Variants in P2RY8 observed in about 807,000 individuals in gnomAD.
P2RY8 encodes P2Y receptor family member 8, also known as S-geranylgeranyl-glutathione receptor P2RY8.
A neutral mutation model predicts 10.0 loss-of-function variants in P2RY8; 6 were observed. The ratio of observed to expected loss-of-function variants is 0.60; its 90% CI spans 0.33 to 1.19. P2RY8 has a LOEUF of 1.19. Ranked by LOEUF, P2RY8 falls within the 50% of genes most tolerant of loss-of-function variation. The pLI is 0.04. For synonymous variants in P2RY8, 276 were observed against 252.5 expected (o/e 1.09, Z -0.88); for missense variants, 456 against 542.0 (o/e 0.84, Z 1.58).
intron 1 of P2RY8, 62 bp from the exon 2 acceptor site, chrX:1,466,644 G>C: frequency 2.0e-6 from 3 of 1,475,056 alleles, no homozygotes; most frequent in Non-Finnish European, 2.7e-6. Flanking sequence ...CGGCTGCCGG[G>C]AGGGCTCCTG....
intron 1 of P2RY8, among the ~76,000 whole-genome samples, chrX:1,513,126 A>G (rs1471903238): frequency 7.0e-6 from 1 of 143,736 alleles, no homozygotes; most frequent in African/African-American, 2.6e-5. Flanking sequence ...GCGGCATTTC[A>G]TTTTCTGTTC....
At chrX:1,526,257 A>T (rs2092439392) in intron 1 of P2RY8, among the ~76,000 whole-genome samples, 1 of 149,716 alleles carries the variant, frequency 6.7e-6, no homozygotes, top group South Asian at 2.1e-4. Context: ...CTATTCATTC[A>T]CCCATTCTTT....
At chrX:1,506,965 C>A (rs57222568) in intron 1 of P2RY8, among the ~76,000 whole-genome samples, 1 of 151,956 alleles carries the variant, frequency 6.6e-6, no homozygotes, top group East Asian at 1.9e-4. Context: ...CGTGAGCCAC[C>A]GCGCCCGGCC....
At position 1,524,411 on chromosome X, in the gene P2RY8, A is replaced by ATGCATCCG. The variant is rs1365914173; in HGVS notation, c.-25+12509_-25+12510insCGGATGCA. Among the ~76,000 whole-genome samples, 204 of 119,854 alleles carry ATGCATCCG rather than the reference A, an allele frequency of 1.7e-3. 6 individuals carry two copies. Among genetic ancestry groups the ATGCATCCG allele is most frequent in the African/African-American group, 6.0e-3 (192 of 32,108 alleles). The allele number at this position is 119,854 out of a possible 152,430, so 78.6% of individuals were successfully genotyped here. A position where few individuals can be genotyped will look rare whatever the true frequency, so the allele number is the denominator to read the frequency against. On this transcript the variant is annotated intron_variant, in intron 1 of 1. Coordinates refer to ENST00000381297, the MANE Select transcript of P2RY8 (RefSeq NM_178129.5). ...CATCCATCCCTCCATCCATGCATGC[A>ATGCATCCG]TCCATCCATCCATCCATCCATCCAT...
In P2RY8 at chrX:1,465,345, C is replaced by G; in HGVS notation, c.*134G>C. On this transcript the variant is annotated 3_prime_UTR_variant, in exon 2 of 2. Coordinates refer to ENST00000381297, the MANE Select transcript of P2RY8 (RefSeq NM_178129.5). ...CCTGGGAGGAATAAAGCCTGGAGAC[C>G]CTTCCCCACCGGGCCTCTGCAGTGC... The G allele has an allele frequency of 3.5e-6, 5 of 1,417,244 alleles. No homozygotes were observed. Among genetic ancestry groups the G allele is most frequent in the Non-Finnish European group, 2.8e-6 (3 of 1,065,336 alleles). 87.8% of individuals were successfully genotyped at this position (1,417,244 alleles called of 1,614,324 possible). A position where few individuals can be genotyped will look rare whatever the true frequency, so the allele number is the denominator to read the frequency against.
chrX:1,484,542 AGG>A (rs2091968675), intron 1 of P2RY8, among the ~76,000 whole-genome samples: 2 of 151,548 alleles, frequency 1.3e-5, no homozygotes, highest in Admixed American at 6.6e-5. Context: ...CTGGTCAACA[AGG>A]CAAAGCCTCG....
chrX:1,526,318 C>G (rs1472510018), intron 1 of P2RY8, among the ~76,000 whole-genome samples: 1 of 149,596 alleles, frequency 6.7e-6, no homozygotes, highest in Non-Finnish European at 1.5e-5. Flanking sequence ...AGCCGCTCAT[C>G]CACCCATCCA....
intron 1 of P2RY8, among the ~76,000 whole-genome samples, chrX:1,483,964 C>T (rs2091962835): frequency 6.6e-6 from 1 of 151,620 alleles, no homozygotes; most frequent in African/African-American, 2.4e-5. Flanking sequence ...GCTGGGATCC[C>T]CTAAACCCAA....
At chrX:1,476,098 T>C (rs2091869758) in intron 1 of P2RY8, among the ~76,000 whole-genome samples, 1 of 152,080 alleles carries the variant, frequency 6.6e-6, no homozygotes, top group Admixed American at 6.6e-5. Context: ...ATCAGACCCC[T>C]TCCAGCTCCA....
At chrX:1,492,938 C>T (rs1417321753) in intron 1 of P2RY8, among the ~76,000 whole-genome samples, 16 of 151,948 alleles carry the variant, frequency 1.1e-4, no homozygotes, top group Non-Finnish European at 2.1e-4. Flanking sequence ...AACACACCCC[C>T]GCCTCCATGT....
chrX:1,497,988 C>G (rs1359484894), intron 1 of P2RY8, among the ~76,000 whole-genome samples: 3 of 152,012 alleles, frequency 2.0e-5, no homozygotes, highest in African/African-American at 7.2e-5. Flanking sequence ...CGGGTGCCAG[C>G]CAACAGACAC....
intron 1 of P2RY8, among the ~76,000 whole-genome samples, chrX:1,488,985 A>G (rs1404325607): frequency 4.6e-5 from 7 of 151,936 alleles, no homozygotes; most frequent in African/African-American, 9.7e-5. Flanking sequence ...GCAAATGTGG[A>G]GGGAATGAAT....
chrX:1,498,409 A>G lies in P2RY8; in HGVS notation c.-24-31827T>C, dbSNP rs774192742. ...CGACAGAGCGAGACTCTGTCTCAAA[A>G]AAAAAAAAAAAAAAGAAAAAGAAAG... On this transcript the variant is annotated intron_variant, in intron 1 of 1. Coordinates refer to ENST00000381297, the MANE Select transcript of P2RY8 (RefSeq NM_178129.5). Among the ~76,000 whole-genome samples the G allele has an allele frequency of 6.0e-3, 905 of 150,032 alleles. 12 individuals carry two copies. Among genetic ancestry groups the G allele is most frequent in the African/African-American group, 0.021 (854 of 41,114 alleles).
intron 1 of P2RY8, among the ~76,000 whole-genome samples, chrX:1,508,316 C>T (rs2092253849): frequency 6.6e-6 from 1 of 152,116 alleles, no homozygotes; most frequent in African/African-American, 2.4e-5. Flanking sequence ...TGGGCAGCAG[C>T]GACATCTCTG....
chrX:1,507,956 G>A (rs1248257912), intron 1 of P2RY8, among the ~76,000 whole-genome samples: 4 of 152,134 alleles, frequency 2.6e-5, no homozygotes, highest in Middle Eastern at 3.4e-3. Flanking sequence ...GGGACCAGGC[G>A]GGACCCACAC....
At chrX:1,502,678 G>C (rs2092191849) in intron 1 of P2RY8, among the ~76,000 whole-genome samples, 1 of 152,198 alleles carries the variant, frequency 6.6e-6, no homozygotes. Context: ...GAGGGTCTTT[G>C]CAGATTCATT....
chrX:1,496,743 G>T (rs2092120512), intron 1 of P2RY8, among the ~76,000 whole-genome samples: 1 of 150,500 alleles, frequency 6.6e-6, no homozygotes, highest in Admixed American at 6.6e-5. Flanking sequence ...TGTCTCCCAG[G>T]TTGGAGTGCA....
intron 1 of P2RY8, among the ~76,000 whole-genome samples, chrX:1,514,294 C>T (rs1317284356): frequency 2.0e-5 from 3 of 151,782 alleles, no homozygotes; most frequent in African/African-American, 4.8e-5. Flanking sequence ...TATGGACACC[C>T]GCCCCTTTCC....
rs1456065410 is a variant in P2RY8, at chrX:1,465,345, C to T, written c.*134G>A. On this transcript the variant is annotated 3_prime_UTR_variant, in exon 2 of 2. Transcript: ENST00000381297. ...CCTGGGAGGAATAAAGCCTGGAGAC[C>T]CTTCCCCACCGGGCCTCTGCAGTGC... The T allele has an allele frequency of 1.4e-6, 2 of 1,417,244 alleles. No homozygotes were observed. The highest frequency in any genetic ancestry group is 2.3e-5 in the East Asian group (1 of 43,118). 87.8% of individuals were successfully genotyped at this position (1,417,244 alleles called of 1,614,324 possible).
Sources: gnomAD v4.1 joint callset for allele counts (sites outside exome capture counted in the v4.1 genomes callset) on GRCh38, gnomAD v4.1.1 for gene constraint, MANE v1.5 for transcripts, NCBI Gene and HGNC (gene_info 2026-07-23, HGNC 2026-07-21) for gene names.